Variants in TMEM156 observed in about 807,000 individuals in gnomAD.
TMEM156 encodes transmembrane protein 156.
In TMEM156, 28 loss-of-function variants were observed where a neutral mutation model predicts 30.5. That is an observed-to-expected ratio of 0.92 (90% CI 0.68 to 1.26). The LOEUF is 1.26. TMEM156 is among the 50% of genes most tolerant of loss of function. The pLI is 0.00. For synonymous variants in TMEM156, 137 were observed against 119.9 expected, an observed-to-expected ratio of 1.14 and a Z score of -0.93; for missense variants, 351 against 340.6, an observed-to-expected ratio of 1.03 and a Z score of -0.24.
chr4:38,973,501 T>C (rs1206360043), intron 5 of TMEM156, among the ~76,000 whole-genome samples: 1 of 152,196 alleles, frequency 6.6e-6, no homozygotes, highest in Non-Finnish European at 1.5e-5. Flanking sequence ...TAACTGGTTA[T>C]TGTTTAAGTA....
intron 1 of TMEM156, among the ~76,000 whole-genome samples, chr4:39,021,070 A>T (rs1714834222): frequency 6.6e-6 from 1 of 152,116 alleles, no homozygotes; most frequent in Non-Finnish European, 1.5e-5. Context: ...GATGTTGAGA[A>T]TTTTTTCATA....
chr4:39,020,621 G>A (rs964316804), intron 1 of TMEM156, among the ~76,000 whole-genome samples: 3 of 151,828 alleles, frequency 2.0e-5, no homozygotes, highest in Non-Finnish European at 2.9e-5. Context: ...GCATGATCTC[G>A]GCTCACTGCA....
At chr4:39,012,663 G>T (rs1041146478) in intron 1 of TMEM156, among the ~76,000 whole-genome samples, 1 of 152,132 alleles carries the variant, frequency 6.6e-6, no homozygotes, top group Non-Finnish European at 1.5e-5. Context: ...AAAATAGACC[G>T]GGCATGGTGG....
intron 5 of TMEM156, among the ~76,000 whole-genome samples, chr4:38,974,611 G>A (rs1722761401): frequency 6.6e-6 from 1 of 150,420 alleles, no homozygotes; most frequent in African/African-American, 2.4e-5. Flanking sequence ...CTGGTGTTGG[G>A]TTTTATACAT....
chr4:38,972,140 G>A (rs537789469), intron 5 of TMEM156, among the ~76,000 whole-genome samples: 3 of 151,316 alleles, frequency 2.0e-5, no homozygotes, highest in Non-Finnish European at 4.4e-5. Flanking sequence ...CTTAAGAAGA[G>A]AAATCAGAAA....
intron 5 of TMEM156, among the ~76,000 whole-genome samples, chr4:38,975,259 C>T (rs1722792251): frequency 6.6e-6 from 1 of 152,158 alleles, no homozygotes; most frequent in Admixed American, 6.5e-5. Context: ...AGCCCCTTGG[C>T]ATCCTTAACT....
At chr4:39,019,930 T>A (rs1229731040) in intron 1 of TMEM156, among the ~76,000 whole-genome samples, 1 of 152,178 alleles carries the variant, frequency 6.6e-6, no homozygotes. Flanking sequence ...TTTTGTATCC[T>A]TTGACCAACA....
intron 5 of TMEM156, among the ~76,000 whole-genome samples, chr4:38,973,263 A>C (rs1722694395): frequency 6.6e-6 from 1 of 152,190 alleles, no homozygotes; most frequent in South Asian, 2.1e-4. Context: ...ATTGAAATGA[A>C]CTTGTTTATT....
Position 38,986,436 on chromosome 4 carries a change from A to T in TMEM156, c.740-17T>A. On this transcript the variant is annotated splice_polypyrimidine_tract_variant and intron_variant, in intron 4 of 6. Coordinates refer to ENST00000381938, the MANE Select transcript of TMEM156 (RefSeq NM_024943.3). ...CTCTATGACCTATTCCCAGAAAAGA[A>T]ATGAAGTATTTAGATGATAAACAAG... 1 of 1,564,918 alleles carries T rather than the reference A, an allele frequency of 6.4e-7. No individual in the cohort carries two copies. Among genetic ancestry groups the T allele is most frequent in the Non-Finnish European group, 8.8e-7 (1 of 1,135,568 alleles).
In TMEM156 at chr4:38,992,001, C is replaced by T. The variant is rs995644633; in HGVS notation, c.619+1737G>A. Among the ~76,000 whole-genome samples, 5 of 152,216 alleles carry T rather than the reference C, an allele frequency of 3.3e-5. 1 individual carries two copies. Among genetic ancestry groups the T allele is most frequent in the Admixed American group, 3.3e-4 (5 of 15,272 alleles). On this transcript the variant is annotated intron_variant, in intron 3 of 6. Transcript: ENST00000381938. ...ACCCCTAATTGCAGAGGTTATAGGG[C>T]CGTGGGAAAACTTAGTCACAGGAGA...
Position 39,012,923 on chromosome 4 carries a change from G to C in TMEM156, c.89-14014C>G, listed in dbSNP as rs571403268. On this transcript the variant is annotated intron_variant, in intron 1 of 6. Transcript: ENST00000381938. ...CCACTGCACTCCAGCCTGGGCAACA[G>C]ATTGAGACTGTGTCTCAGAAAAAAA... is the stretch of plus-strand genomic sequence containing the variant. 4.6e-5 allele frequency among the ~76,000 whole-genome samples: 7 copies of C among 151,112 alleles called. No individual in the cohort carries two copies. The South Asian group carries it at 1.0e-3, about 23-fold the overall frequency.
chr4:39,027,229 G>C (rs1715252932), intron 1 of TMEM156, among the ~76,000 whole-genome samples: 1 of 152,126 alleles, frequency 6.6e-6, no homozygotes, highest in African/African-American at 2.4e-5. Context: ...TTATGAATAA[G>C]AAAAAGAGCA....
intron 3 of TMEM156, among the ~76,000 whole-genome samples, chr4:38,989,775 TTTATTTTATTTTATC>T (rs1416795084): frequency 6.6e-6 from 1 of 152,072 alleles, no homozygotes; most frequent in Admixed American, 6.5e-5. Context: ...CATTTTTTAT[TTTATTTTATTTTATC>T]TTATTTTATT....
At chr4:38,990,839 T>TTTTGTTTTTTTTTTTTG (rs1560365373) in intron 3 of TMEM156, among the ~76,000 whole-genome samples, 2 of 130,756 alleles carry the variant, frequency 1.5e-5, no homozygotes, top group African/African-American at 5.7e-5. Flanking sequence ...GGTTTTTTTT[T>TTTTGTTTTTTTTTTTTG]TTTTTTTTTT....
intron 2 of TMEM156, among the ~76,000 whole-genome samples, chr4:38,994,745 C>T (rs1480263452): frequency 2.6e-5 from 4 of 151,986 alleles, no homozygotes; most frequent in Non-Finnish European, 4.4e-5. Flanking sequence ...GTCAGGGGTT[C>T]GAGACCAGCC....
At chr4:39,008,934 C>T (rs1560378158) in intron 1 of TMEM156, among the ~76,000 whole-genome samples, 1 of 150,654 alleles carries the variant, frequency 6.6e-6, no homozygotes, top group Non-Finnish European at 1.5e-5. Context: ...GAAATTGAGG[C>T]CCCAAAAAAC....
At chr4:38,992,724 A>T (rs186683179) in intron 3 of TMEM156, among the ~76,000 whole-genome samples, 3,295 of 53,306 alleles carry the variant, frequency 0.062, 68 homozygotes, top group Non-Finnish European at 0.096. Flanking sequence ...ATATATATAT[A>T]ATATATATAT....
At chr4:39,003,535 T>A (rs1713526265) in intron 1 of TMEM156, among the ~76,000 whole-genome samples, 1 of 152,036 alleles carries the variant, frequency 6.6e-6, no homozygotes, top group Non-Finnish European at 1.5e-5. Flanking sequence ...GGTTTCTTCA[T>A]GTTTGTCAGG....
At chr4:38,969,517 A>C (rs370777591) in intron 6 of TMEM156, among the ~76,000 whole-genome samples, 31 of 152,322 alleles carry the variant, frequency 2.0e-4, no homozygotes, top group African/African-American at 7.0e-4. Context: ...TGCTATTGTG[A>C]ATAGTGCTAC....
Sources: gnomAD v4.1 joint callset for allele counts (sites outside exome capture counted in the v4.1 genomes callset) on GRCh38, gnomAD v4.1.1 for gene constraint, MANE v1.5 for transcripts, NCBI Gene and HGNC (gene_info 2026-07-23, HGNC 2026-07-21) for gene names.